Variants in MARCHF3 observed in about 807,000 individuals in gnomAD.
MARCHF3 encodes the protein membrane associated ring-CH-type finger 3.
A neutral mutation model predicts 24.2 loss-of-function variants in MARCHF3; 13 were observed. The observed-to-expected ratio is 0.54, with a 90% CI of 0.35 to 0.85. The LOEUF (loss-of-function observed/expected upper bound fraction) is 0.85, where lower values mean the gene tolerates loss of function less well. MARCHF3 is among the 40% of genes least tolerant of loss of function. MARCHF3 has a pLI of 0.01. For synonymous variants in MARCHF3, 144 were observed against 137.3 expected, an observed-to-expected ratio of 1.05 and a Z score of -0.34; for missense variants, 276 against 325.0, an observed-to-expected ratio of 0.85 and a Z score of 1.16.
chr5:126,884,952 T>C (rs1227978016), intron 3 of MARCHF3, among the ~76,000 whole-genome samples: 1 of 152,238 alleles, frequency 6.6e-6, no homozygotes, highest in African/African-American at 2.4e-5. Context: ...CTATAAGCCC[T>C]GACTTCATCC....
At chr5:126,916,565 C>T (rs974023605) in intron 2 of MARCHF3, among the ~76,000 whole-genome samples, 14 of 152,108 alleles carry the variant, frequency 9.2e-5, no homozygotes, top group African/African-American at 3.1e-4. Context: ...AGAAAGCTGA[C>T]AAGTTTTTTT....
intron 1 of MARCHF3, among the ~76,000 whole-genome samples, chr5:126,951,086 T>A (rs1426385007): frequency 6.6e-6 from 1 of 152,240 alleles, no homozygotes; most frequent in African/African-American, 2.4e-5. Flanking sequence ...TTAAGTTCGC[T>A]AGTTATTCCA....
intron 1 of MARCHF3, among the ~76,000 whole-genome samples, chr5:127,027,142 C>A (rs1753023933): frequency 6.6e-6 from 1 of 152,208 alleles, no homozygotes; most frequent in Admixed American, 6.5e-5. Context: ...TAAAAATTCA[C>A]AGTGCTCTCA....
chr5:126,955,588 G>C (rs927313873), intron 1 of MARCHF3, among the ~76,000 whole-genome samples: 18 of 152,144 alleles, frequency 1.2e-4, no homozygotes, highest in African/African-American at 3.6e-4. Context: ...TATGTTTATT[G>C]GTTCTTTAAA....
intron 1 of MARCHF3, among the ~76,000 whole-genome samples, chr5:127,013,196 T>G (rs1046708256): frequency 2.0e-5 from 3 of 152,192 alleles, no homozygotes; most frequent in Non-Finnish European, 2.9e-5. Context: ...TTGAGAAATA[T>G]TCCAGCAATG....
intron 1 of MARCHF3, among the ~76,000 whole-genome samples, chr5:126,944,496 C>A (rs1749941640): frequency 6.6e-6 from 1 of 152,172 alleles, no homozygotes; most frequent in African/African-American, 2.4e-5. Flanking sequence ...GGCAGGGGAA[C>A]TGCTTGAGCC....
chr5:126,986,991 G>A (rs73786262), intron 1 of MARCHF3, among the ~76,000 whole-genome samples: 7,846 of 152,278 alleles, frequency 0.052, 376 homozygotes, highest in South Asian at 0.14. Context: ...GTGGCCAGTT[G>A]TTTGGTCAAA....
chr5:127,029,623 A>G (rs79655426), intron 1 of MARCHF3, among the ~76,000 whole-genome samples: 2,737 of 152,134 alleles, frequency 0.018, 74 homozygotes, highest in African/African-American at 0.063. Flanking sequence ...GCTCAAACAA[A>G]CACCAACCGA....
chr5:126,878,302 C>G lies in MARCHF3; in HGVS notation c.486G>C (p.Ser162=), dbSNP rs146266199. 6.2e-7 allele frequency: 1 copy of G among 1,614,198 alleles called. No homozygotes were observed. The highest frequency in any genetic ancestry group is 8.5e-7 in the Non-Finnish European group (1 of 1,180,052). ...FLFITPLATI[S]GWLCLRGAVD... ...CGGCGCCCCGCAGGCACAGCCAGCC[C>G]GAGATGGTGGCCAGGGGAGTTATAA... Residue 162 remains serine, a synonymous_variant, in exon 4 of 5, where the codon TCG becomes TCC. Transcript: ENST00000308660.
At chr5:127,010,669 G>T (rs1392814899) in intron 1 of MARCHF3, among the ~76,000 whole-genome samples, 1 of 152,190 alleles carries the variant, frequency 6.6e-6, no homozygotes, top group Non-Finnish European at 1.5e-5. Context: ...TTAAGCTGGA[G>T]ATGGAATAAA....
intron 3 of MARCHF3, among the ~76,000 whole-genome samples, chr5:126,899,891 T>C (rs1754047898): frequency 6.6e-6 from 1 of 152,092 alleles, no homozygotes; most frequent in Non-Finnish European, 1.5e-5. Context: ...GTGGTACATG[T>C]GTCACTAGTG....
intron 1 of MARCHF3, among the ~76,000 whole-genome samples, chr5:126,975,350 T>A (rs550117006): frequency 6.6e-6 from 1 of 152,194 alleles, no homozygotes; most frequent in Non-Finnish European, 1.5e-5. Flanking sequence ...TAAGTTTTCT[T>A]CTCTTTTTAA....
At chr5:126,879,842 G>A (rs1043823876) in intron 3 of MARCHF3, among the ~76,000 whole-genome samples, 7 of 152,152 alleles carry the variant, frequency 4.6e-5, no homozygotes, top group Non-Finnish European at 7.3e-5. Flanking sequence ...AGAGACACTG[G>A]TACTCTTTGC....
intron 1 of MARCHF3, among the ~76,000 whole-genome samples, chr5:126,986,722 A>C (rs1051336255): frequency 6.6e-6 from 1 of 152,196 alleles, no homozygotes; most frequent in Non-Finnish European, 1.5e-5. Context: ...TTTAACCTTA[A>C]GAAGACTGCT....
rs1580476580 is a variant in MARCHF3 at position 127,003,998 on chromosome 5, G to A, written c.-57+26352C>T. ...GGGGAGTGGCTGAGGGAGGCTGGGG[G>A]CAGCCAGTGAGGGCAGACACCAGCT... On this transcript the variant is annotated intron_variant, in intron 1 of 4. Coordinates refer to ENST00000308660, the MANE Select transcript of MARCHF3 (RefSeq NM_178450.5). Among the ~76,000 whole-genome samples the A allele has an allele frequency of 2.6e-5, 4 of 152,266 alleles. No individual in the cohort carries two copies. The Middle Eastern group carries it at 0.014, about 518-fold the overall frequency.
chr5:127,006,200 C>CAAA (rs58415135), intron 1 of MARCHF3, among the ~76,000 whole-genome samples: 6 of 71,934 alleles, frequency 8.3e-5, no homozygotes, highest in East Asian at 7.8e-4. Flanking sequence ...GAGGCTCTGT[C>CAAA]AAAAAAAAAA....
chr5:126,945,443 A>C (rs1749978498), intron 1 of MARCHF3, among the ~76,000 whole-genome samples: 1 of 152,226 alleles, frequency 6.6e-6, no homozygotes, highest in African/African-American at 2.4e-5. Flanking sequence ...CCTGGAGGAA[A>C]TGAGGTTAAG....
At chr5:126,971,613 T>G (rs1440099968) in intron 1 of MARCHF3, among the ~76,000 whole-genome samples, 1 of 152,160 alleles carries the variant, frequency 6.6e-6, no homozygotes, top group Non-Finnish European at 1.5e-5. Context: ...CCAGCTTCCT[T>G]CACTCAGCAG....
At chr5:126,933,873 T>C (rs1237790840) in intron 1 of MARCHF3, among the ~76,000 whole-genome samples, 1 of 152,244 alleles carries the variant, frequency 6.6e-6, no homozygotes, top group Non-Finnish European at 1.5e-5. Flanking sequence ...GTGGAGGTTT[T>C]TGGATATTTT....
Sources: allele counts gnomAD v4.1 joint callset (sites outside exome capture counted in the v4.1 genomes callset), GRCh38; gene constraint gnomAD v4.1.1; transcripts MANE v1.5; gene names NCBI Gene and HGNC (gene_info 2026-07-23, HGNC 2026-07-21).